Variants in NR1H4 observed in about 807,000 individuals in gnomAD.
NR1H4 encodes the protein bile acid receptor.
A neutral mutation model predicts 58.5 loss-of-function variants in NR1H4; 23 were observed. The ratio of observed to expected loss-of-function variants is 0.39; its 90% CI spans 0.28 to 0.56. The LOEUF is 0.56. NR1H4 is among the 20% of genes least tolerant of loss of function. The probability of loss-of-function intolerance (pLI) is 0.58; values close to 1 mark genes in which losing one functional copy is unlikely to be tolerated. For synonymous variants in NR1H4, 214 were observed against 198.0 expected, an observed-to-expected ratio of 1.08 and a Z score of -0.68; for missense variants, 487 against 576.9, an observed-to-expected ratio of 0.84 and a Z score of 1.60.
chr12:100,498,363 G>T (rs1210054507), intron 3 of NR1H4, among the ~76,000 whole-genome samples: 1 of 152,196 alleles, frequency 6.6e-6, no homozygotes, highest in Non-Finnish European at 1.5e-5. Context: ...ATAAGGCTGG[G>T]CGCGGGGGCT....
At chr12:100,561,862 A>G in intron 9 of NR1H4, 23 bp from the exon 10 acceptor site, 1 of 960,146 alleles carries the variant, frequency 1.0e-6, no homozygotes, top group South Asian at 1.3e-5. Flanking sequence ...AAATTGTATT[A>G]TGATTGCAAC....
intron 9 of NR1H4, among the ~76,000 whole-genome samples, chr12:100,550,917 C>A (rs1438820410): frequency 2.0e-5 from 3 of 152,156 alleles, no homozygotes; most frequent in Admixed American, 6.5e-5. Flanking sequence ...ATGGCCCTCA[C>A]TAGGTGAGTG....
At chr12:100,516,371 A>G (rs1404903135) in intron 4 of NR1H4, among the ~76,000 whole-genome samples, 2 of 151,958 alleles carry the variant, frequency 1.3e-5, no homozygotes, top group African/African-American at 4.8e-5. Flanking sequence ...TGACATGCTA[A>G]TTCTTTTTTT....
intron 4 of NR1H4, among the ~76,000 whole-genome samples, chr12:100,528,864 C>T (rs553067555): frequency 5.9e-5 from 9 of 152,184 alleles, no homozygotes; most frequent in Admixed American, 6.5e-5. Context: ...ATTCTGTTAA[C>T]TATTAAGCTG....
chr12:100,536,481 C>T, intron 6 of NR1H4, 31 bp from the exon 7 acceptor site: 1 of 1,294,202 alleles, frequency 7.7e-7, no homozygotes, highest in South Asian at 1.2e-5. Context: ...ACACATCTTC[C>T]CTAACACCTT....
At position 100,498,489 on chromosome 12, in the gene NR1H4, T is replaced by C. The variant is rs144005101; in HGVS notation, c.79+5087T>C. The stretch of plus-strand genomic sequence containing the variant: ...CCTCGTCTCTACTAAATATACAAAA[T>C]TAGCTGGGCGTGGTGGCACGTGCCT... On this transcript the variant is annotated intron_variant, in intron 3 of 10. Transcript: ENST00000392986. Among the ~76,000 whole-genome samples, 406 of 151,962 alleles carry C rather than the reference T, an allele frequency of 2.7e-3. 4 individuals carry two copies. The highest frequency in any genetic ancestry group is 9.0e-3 in the African/African-American group (373 of 41,452).
chr12:100,476,510 G>A (rs1004324073), intron 1 of NR1H4, among the ~76,000 whole-genome samples: 1 of 152,190 alleles, frequency 6.6e-6, no homozygotes, highest in African/African-American at 2.4e-5. Context: ...TTAGAGAGGA[G>A]CTCAGAACTG....
At chr12:100,485,134 C>T (rs1953463399) in intron 1 of NR1H4, among the ~76,000 whole-genome samples, 1 of 152,208 alleles carries the variant, frequency 6.6e-6, no homozygotes. Context: ...TTCTGCAGCT[C>T]TATTCTGAAT....
chr12:100,477,185 T>C (rs1953289071), intron 1 of NR1H4, among the ~76,000 whole-genome samples: 1 of 152,136 alleles, frequency 6.6e-6, no homozygotes, highest in Non-Finnish European at 1.5e-5. Flanking sequence ...GAACATCTAC[T>C]ATTCCTACTC....
chr12:100,541,274 C>T (rs965774377), intron 9 of NR1H4, among the ~76,000 whole-genome samples: 1 of 151,436 alleles, frequency 6.6e-6, no homozygotes, highest in Admixed American at 6.6e-5. Flanking sequence ...ACTTTTCTTT[C>T]TTTTTTCTTC....
intron 4 of NR1H4, among the ~76,000 whole-genome samples, chr12:100,521,197 T>C (rs1437219715): frequency 6.6e-6 from 1 of 152,170 alleles, no homozygotes; most frequent in East Asian, 1.9e-4. Context: ...TGGTCTCTTT[T>C]TCTGGTTCCA....
At chr12:100,529,658 C>G (rs1208207735) in intron 4 of NR1H4, among the ~76,000 whole-genome samples, 1 of 152,138 alleles carries the variant, frequency 6.6e-6, no homozygotes, top group Non-Finnish European at 1.5e-5. Context: ...TCTTTCCTCC[C>G]TCATGGTCCA....
chr12:100,531,263 C>T (rs970254131), intron 4 of NR1H4, among the ~76,000 whole-genome samples: 23 of 152,192 alleles, frequency 1.5e-4, no homozygotes, highest in African/African-American at 4.3e-4. Flanking sequence ...TGAGACCAGC[C>T]TGGCCAACAT....
At chr12:100,519,746 CA>C (rs1770678154) in intron 4 of NR1H4, among the ~76,000 whole-genome samples, 1 of 152,134 alleles carries the variant, frequency 6.6e-6, no homozygotes. Context: ...TCTCTCAATC[CA>C]CCTATCCTAG....
chr12:100,547,636 C>T (rs1955102091), intron 9 of NR1H4, among the ~76,000 whole-genome samples: 1 of 152,124 alleles, frequency 6.6e-6, no homozygotes, highest in Admixed American at 6.6e-5. Flanking sequence ...TTCTGGCTGC[C>T]ACATATTGCT....
intron 9 of NR1H4, among the ~76,000 whole-genome samples, chr12:100,551,529 T>G (rs1482138480): frequency 6.6e-6 from 1 of 152,238 alleles, no homozygotes; most frequent in African/African-American, 2.4e-5. Context: ...CACCTCTACT[T>G]TTGCTTTTGA....
At chr12:100,518,872 C>T (rs1954337486) in intron 4 of NR1H4, among the ~76,000 whole-genome samples, 2 of 148,600 alleles carry the variant, frequency 1.3e-5, no homozygotes, top group Non-Finnish European at 3.0e-5. Flanking sequence ...CCCACAGCAA[C>T]CTCCACCTGG....
At chr12:100,532,220 T>C (rs576783464) in intron 4 of NR1H4, among the ~76,000 whole-genome samples, 7 of 152,354 alleles carry the variant, frequency 4.6e-5, no homozygotes, top group African/African-American at 1.7e-4. Flanking sequence ...AATTCACATT[T>C]TTCCTAAGAG....
rs35958048 is a variant in NR1H4 at position 100,512,641 on chromosome 12, C to CAA, written c.445+1510_445+1511dup. Among the ~76,000 whole-genome samples the CAA allele has an allele frequency of 1.5e-3, 209 of 138,392 alleles. 1 individual carries two copies. In the East Asian group the frequency reaches 0.017, roughly 11 times the overall value. 90.8% of individuals were successfully genotyped at this position (138,392 alleles called of 152,430 possible). ...GGGCAACTGAGCGAGACTCCGTCTC[C>CAA]AAAAAAAAAAAAAGACAATGTAAAA... On this transcript the variant is annotated intron_variant, in intron 4 of 10. Transcript: ENST00000392986.
Sources: allele counts gnomAD v4.1 joint callset (sites outside exome capture counted in the v4.1 genomes callset), GRCh38; gene constraint gnomAD v4.1.1; transcripts MANE v1.5; gene names NCBI Gene and HGNC (gene_info 2026-07-23, HGNC 2026-07-21).